GLIS3: variants seen among roughly 807,000 people sequenced by gnomAD.
The protein encoded by GLIS3 is GLIS family zinc finger 3.
In GLIS3, 53 loss-of-function variants were observed where a neutral mutation model predicts 78.6. The observed-to-expected ratio is 0.67, with a 90% CI of 0.54 to 0.85. The LOEUF is 0.85. Among genes scored for constraint, GLIS3 ranks in the 40% least tolerant of loss-of-function variants. The pLI, the probability that GLIS3 is intolerant of heterozygous loss-of-function variation, is 0.00. For synonymous variants in GLIS3, 684 were observed against 509.9 expected (o/e 1.34, Z -4.60); for missense variants, 1,703 against 1,231.1 (o/e 1.38, Z -5.74).
chr9:4,307,302 A>C lies in GLIS3; in HGVS notation n.584+1475T>G, dbSNP rs73641418. On this transcript the variant is annotated intron_variant and non_coding_transcript_variant, in intron 4 of 4. Transcript: ENST00000471664. ...TGTTGATGAGATATGTGATAAACATAATTTATGTAAAATTTAAGAACAAGA... is the reference window on the plus strand; with the variant it reads ...TGTTGATGAGATATGTGATAAACATCATTTATGTAAAATTTAAGAACAAGA... 7.7e-3 allele frequency among the ~76,000 whole-genome samples: 1,177 copies of C among 152,280 alleles called. 20 individuals carry two copies. The highest frequency in any genetic ancestry group is 0.027 in the African/African-American group (1,123 of 41,538).
chr9:4,093,781 C>CTA (rs1321328152), intron 4 of GLIS3, among the ~76,000 whole-genome samples: 2 of 151,888 alleles, frequency 1.3e-5, no homozygotes, highest in South Asian at 2.1e-4. Flanking sequence ...TGCTAAATAT[C>CTA]TATATATATA....
At chr9:3,869,269 GTGT>G (rs1820820501) in intron 8 of GLIS3, among the ~76,000 whole-genome samples, 1 of 7,422 alleles carries the variant, frequency 1.3e-4, no homozygotes, top group African/African-American at 6.7e-4. Flanking sequence ...TATCTAGGGT[GTGT>G]GTGTGTGTGT....
At chr9:3,857,927 G>T (rs915156909) in intron 8 of GLIS3, among the ~76,000 whole-genome samples, 2 of 152,184 alleles carry the variant, frequency 1.3e-5, no homozygotes, top group Non-Finnish European at 2.9e-5. Context: ...GTGGGAGAGC[G>T]ATGAGCAATT....
At chr9:4,352,463 G>T (rs982961411), upstream of GLIS3, among the ~76,000 whole-genome samples, 1 of 152,294 alleles carries the variant, frequency 6.6e-6, no homozygotes, top group Non-Finnish European at 1.5e-5. Flanking sequence ...AAGGCATGGT[G>T]GGGCATCTTT....
intron 4 of GLIS3, among the ~76,000 whole-genome samples, chr9:4,096,681 G>A (rs1829975597): frequency 6.6e-6 from 1 of 152,144 alleles, no homozygotes; most frequent in Non-Finnish European, 1.5e-5. Context: ...GGAGAGGGGA[G>A]AGGTAGAAAT....
At chr9:4,249,939 T>C (rs1383451932) in intron 2 of GLIS3, among the ~76,000 whole-genome samples, 1 of 152,252 alleles carries the variant, frequency 6.6e-6, no homozygotes, top group Non-Finnish European at 1.5e-5. Context: ...TTGCATATGT[T>C]GAACCAGCCT....
chr9:4,023,049 G>T (rs930818752), intron 4 of GLIS3, among the ~76,000 whole-genome samples: 5 of 152,144 alleles, frequency 3.3e-5, no homozygotes, highest in African/African-American at 1.2e-4. Context: ...CTCTCTAAAA[G>T]AATGTAATTT....
intron 9 of GLIS3, among the ~76,000 whole-genome samples, chr9:3,849,813 G>A (rs2130166670): frequency 6.6e-6 from 1 of 152,220 alleles, no homozygotes; most frequent in Admixed American, 6.5e-5. Context: ...GGAGGCTGAG[G>A]CAGGAGAATA....
At chr9:4,136,115 C>G (rs1006678290) in intron 2 of GLIS3, among the ~76,000 whole-genome samples, 1 of 152,122 alleles carries the variant, frequency 6.6e-6, no homozygotes, top group African/African-American at 2.4e-5. Flanking sequence ...GACAAATGCT[C>G]AAAACTGTGC....
intron 2 of GLIS3, among the ~76,000 whole-genome samples, chr9:4,251,587 G>A (rs373501453): frequency 3.3e-5 from 5 of 151,974 alleles, no homozygotes; most frequent in Non-Finnish European, 7.4e-5. Flanking sequence ...CGTCTAATTG[G>A]GGCATTTAGC....
intron 4 of GLIS3, among the ~76,000 whole-genome samples, chr9:4,306,370 G>C (rs1053410047): frequency 6.6e-6 from 1 of 152,166 alleles, no homozygotes; most frequent in Non-Finnish European, 1.5e-5. Flanking sequence ...TTATGCAAGA[G>C]AAATTCCATT....
At chr9:4,188,883 CTCTT>C (rs1413963245) in intron 2 of GLIS3, among the ~76,000 whole-genome samples, 6 of 152,100 alleles carry the variant, frequency 3.9e-5, no homozygotes, top group South Asian at 2.1e-4. Context: ...TCACTCTTCT[CTCTT>C]TTTTTCTTTA....
intron 2 of GLIS3, among the ~76,000 whole-genome samples, chr9:4,313,597 T>C (rs1817396518): frequency 6.6e-6 from 1 of 152,212 alleles, no homozygotes; most frequent in South Asian, 2.1e-4. Flanking sequence ...TCTTGGACCT[T>C]GATTTTTCTC....
At chr9:4,099,027 C>T (rs181439483) in intron 4 of GLIS3, among the ~76,000 whole-genome samples, 1 of 152,286 alleles carries the variant, frequency 6.6e-6, no homozygotes, top group East Asian at 1.9e-4. Flanking sequence ...GTTGACCCTT[C>T]CCACTGCCCT....
the GLIS3 span, among the ~76,000 whole-genome samples, chr9:4,456,135 A>G: frequency 6.6e-6 from 1 of 152,220 alleles, no homozygotes; most frequent in African/African-American, 2.4e-5. Context: ...TGTTTACACT[A>G]TACTGTAGTC....
At chr9:4,017,317 T>G (rs866668535) in intron 4 of GLIS3, among the ~76,000 whole-genome samples, 1 of 152,164 alleles carries the variant, frequency 6.6e-6, no homozygotes, top group Admixed American at 6.5e-5. Flanking sequence ...GCAGCAGGAA[T>G]AGCAAGCAGC....
At chr9:3,960,227 T>C (rs982529354) in intron 4 of GLIS3, among the ~76,000 whole-genome samples, 1 of 152,124 alleles carries the variant, frequency 6.6e-6, no homozygotes, top group African/African-American at 2.4e-5. Flanking sequence ...AATATGAAGA[T>C]GGCCATCTAT....
chr9:4,252,251 G>A (rs979141615), intron 2 of GLIS3, among the ~76,000 whole-genome samples: 4 of 152,166 alleles, frequency 2.6e-5, no homozygotes, highest in Admixed American at 2.6e-4. Flanking sequence ...CCAATCAAAT[G>A]TAGGTTTGGT....
chr9:4,204,079 T>C (rs960166998), intron 2 of GLIS3, among the ~76,000 whole-genome samples: 1 of 152,184 alleles, frequency 6.6e-6, no homozygotes, highest in Non-Finnish European at 1.5e-5. Flanking sequence ...GCATGTGTCC[T>C]CTGAATCTAA....
Sources: allele counts gnomAD v4.1 joint callset (sites outside exome capture counted in the v4.1 genomes callset), GRCh38; gene constraint gnomAD v4.1.1; transcripts MANE v1.5; gene names NCBI Gene and HGNC (gene_info 2026-07-23, HGNC 2026-07-21).